GINS1: variants seen among roughly 807,000 people sequenced by gnomAD.
GINS1 encodes the protein DNA replication complex GINS protein PSF1.
In GINS1, 26 loss-of-function variants were observed where a neutral mutation model predicts 34.9. The observed-to-expected ratio is 0.74, with a 90% confidence interval of 0.55 to 1.03. The LOEUF (loss-of-function observed/expected upper bound fraction) is 1.03. Ranked by LOEUF, GINS1 falls within the 50% of genes least tolerant of loss-of-function variation. The pLI, the probability that GINS1 is intolerant of heterozygous loss-of-function variation, is 0.00. For missense variants in GINS1, 235 were observed against 237.9 expected (o/e 0.99, Z 0.08); for synonymous variants, 97 against 84.4 (o/e 1.15, Z -0.82).
intron 6 of GINS1, among the ~76,000 whole-genome samples, chr20:25,445,275 A>G (rs544375883): frequency 1.3e-5 from 2 of 151,890 alleles, no homozygotes; most frequent in Non-Finnish European, 2.9e-5. Flanking sequence ...GCTCACCCCC[A>G]GGTTCAAGTG....
chr20:25,407,961 C>A lies in GINS1; in HGVS notation c.75+66C>A. Reference sequence around the variant, plus strand: ...GGCCCTGGGCTCTGGGGCGGGGCGGCTCCCCGTCAGGGTTCACTTTCGCAC... The same window carrying A: ...GGCCCTGGGCTCTGGGGCGGGGCGGATCCCCGTCAGGGTTCACTTTCGCAC... On this transcript the variant is annotated intron_variant, in intron 1 of 6. Coordinates refer to ENST00000262460, the MANE Select transcript of GINS1 (RefSeq NM_021067.5). 3 of 1,231,636 alleles carry A rather than the reference C, an allele frequency of 2.4e-6. No homozygotes were observed. The South Asian group carries it at 3.7e-5, about 15-fold the overall frequency. 76.3% of individuals were successfully genotyped at this position (1,231,636 alleles called of 1,614,324 possible).
intron 1 of GINS1, among the ~76,000 whole-genome samples, chr20:25,413,056 ATTTT>A (rs753937496): frequency 7.4e-6 from 1 of 135,956 alleles, no homozygotes; most frequent in South Asian, 2.3e-4. Flanking sequence ...TCAGTAGTTC[ATTTT>A]TTTTTTTTTT....
At chr20:25,435,417 C>G (rs1377138978) in intron 5 of GINS1, among the ~76,000 whole-genome samples, 2 of 152,112 alleles carry the variant, frequency 1.3e-5, no homozygotes, top group Admixed American at 1.3e-4. Flanking sequence ...ACCTCAGCCT[C>G]CCAAGTGGCT....
chr20:25,444,767 A>C (rs1426028820), intron 6 of GINS1, among the ~76,000 whole-genome samples: 1 of 152,212 alleles, frequency 6.6e-6, no homozygotes, highest in African/African-American at 2.4e-5. Flanking sequence ...TCAGAGCAAG[A>C]GCGATGTCCT....
intron 4 of GINS1, among the ~76,000 whole-genome samples, chr20:25,423,707 G>T (rs1355396417): frequency 4.0e-5 from 6 of 148,796 alleles, no homozygotes; most frequent in African/African-American, 1.5e-4. Flanking sequence ...TCTACCTCCC[G>T]GGTTCATGCC....
At chr20:25,443,772 G>A (rs566126664) in intron 6 of GINS1, among the ~76,000 whole-genome samples, 47 of 151,998 alleles carry the variant, frequency 3.1e-4, no homozygotes, top group African/African-American at 1.1e-3. Flanking sequence ...GTGAGCCACC[G>A]CACCTGGCCT....
chr20:25,407,718 G>T lies in GINS1; in HGVS notation c.-103G>T. 1 of 889,250 alleles carries T rather than the reference G, an allele frequency of 1.1e-6. No homozygotes were observed. Among genetic ancestry groups the T allele is most frequent in the Non-Finnish European group, 1.8e-6 (1 of 546,500 alleles). 55.1% of individuals were successfully genotyped at this position (889,250 alleles called of 1,614,324 possible). A position where few individuals can be genotyped will look rare whatever the true frequency, so the allele number is the denominator to read the frequency against. The stretch of plus-strand genomic sequence containing the variant: ...GCGGAGGCCGAGGCGAGAGCCTGGC[G>T]CTGTAGGACTAGAACGAAAGGAGTG... On this transcript the variant is annotated 5_prime_UTR_variant, in exon 1 of 7. Transcript: ENST00000262460.
intron 5 of GINS1, among the ~76,000 whole-genome samples, chr20:25,429,190 A>T (rs1464454648): frequency 6.6e-6 from 1 of 151,646 alleles, no homozygotes; most frequent in Non-Finnish European, 1.5e-5. Context: ...GGGTTTCACC[A>T]TGTTGGCTAG....
Position 25,420,953 on chromosome 20 carries a change from C to G in GINS1, c.330+2758C>G, listed in dbSNP as rs541136737. ...AGCAATTGCATCGTGGCAACTGCAT[C>G]AGCCATTTTGGACCAGTAACAAAGA... On this transcript the variant is annotated intron_variant, in intron 4 of 6. Coordinates refer to ENST00000262460, the MANE Select transcript of GINS1 (RefSeq NM_021067.5). The G allele has an allele frequency of 1.6e-5, 16 of 984,112 alleles. No individual in the cohort carries two copies. In the African/African-American group the frequency reaches 2.4e-4, roughly 15 times the overall value. The allele number at this position is 984,112 out of a possible 1,614,324, so 61.0% of individuals were successfully genotyped here. A position where few individuals can be genotyped will look rare whatever the true frequency, so the allele number is the denominator to read the frequency against.
At chr20:25,412,922 T>C (rs2090295366) in intron 1 of GINS1, among the ~76,000 whole-genome samples, 1 of 152,136 alleles carries the variant, frequency 6.6e-6, no homozygotes, top group South Asian at 2.1e-4. Flanking sequence ...ACAGATGATA[T>C]TATTCTTTTT....
At position 25,407,716 on chromosome 20, in the gene GINS1, G is replaced by C; in HGVS notation, c.-105G>C. 1.1e-6 allele frequency: 1 copy of C among 878,574 alleles called. No individual in the cohort carries two copies. The highest frequency in any genetic ancestry group is 1.9e-6 in the Non-Finnish European group (1 of 537,870). 54.4% of individuals were successfully genotyped at this position (878,574 alleles called of 1,614,324 possible). ...GAGCGGAGGCCGAGGCGAGAGCCTG[G>C]CGCTGTAGGACTAGAACGAAAGGAG... On this transcript the variant is annotated 5_prime_UTR_variant, in exon 1 of 7. Transcript: ENST00000262460.
intron 5 of GINS1, among the ~76,000 whole-genome samples, chr20:25,431,145 G>C (rs1600936421): frequency 1.3e-5 from 2 of 152,114 alleles, no homozygotes; most frequent in Non-Finnish European, 2.9e-5. Flanking sequence ...TTGTAGGTTT[G>C]TGTTTCTGGG....
At chr20:25,441,591 GAAAC>G (rs2090482263) in intron 5 of GINS1, 107 bp from the exon 6 acceptor site, 11 of 626,962 alleles carry the variant, frequency 1.8e-5, no homozygotes, top group Admixed American at 8.8e-5. Flanking sequence ...ACATGGAGAG[GAAAC>G]AAACAAAGTC....
At chr20:25,423,738 C>G (rs546778827) in intron 4 of GINS1, among the ~76,000 whole-genome samples, 1 of 151,166 alleles carries the variant, frequency 6.6e-6, no homozygotes, top group Non-Finnish European at 1.5e-5. Context: ...CTCAGCCTCC[C>G]GAGTAGCTGG....
At position 25,432,376 on chromosome 20, in the gene GINS1, C is replaced by G. The variant is rs368349346; in HGVS notation, c.447+7049C>G. 1.5e-3 allele frequency among the ~76,000 whole-genome samples: 233 copies of G among 151,574 alleles called. 1 individual carries two copies. The highest frequency in any genetic ancestry group is 5.3e-3 in the African/African-American group (220 of 41,286). On this transcript the variant is annotated intron_variant, in intron 5 of 6. Transcript: ENST00000262460. Reference sequence around the variant, plus strand: ...CCCAGGCAGTGGCACAATCTCGGCTCACTGCAACCTCCGCCTCCCGAGTTC... The same window carrying G: ...CCCAGGCAGTGGCACAATCTCGGCTGACTGCAACCTCCGCCTCCCGAGTTC...
chr20:25,408,882 G>A, intron 1 of GINS1: 1 of 977,670 alleles, frequency 1.0e-6, no homozygotes, highest in Non-Finnish European at 1.2e-6. Context: ...CATAGAGCAG[G>A]CATTATGTGG....
chr20:25,436,981 T>G (rs959509879), intron 5 of GINS1, among the ~76,000 whole-genome samples: 1 of 152,218 alleles, frequency 6.6e-6, no homozygotes, highest in Admixed American at 6.5e-5. Context: ...CTGTTTTTGT[T>G]TTTTTGGTTG....
intron 1 of GINS1, chr20:25,408,951 G>A (rs904402458): frequency 2.0e-6 from 2 of 982,780 alleles, no homozygotes; most frequent in Admixed American, 6.2e-5. Flanking sequence ...AATTCACCAC[G>A]CTAAGTGATA....
chr20:25,413,056 A>ATTT (rs753937496), intron 1 of GINS1, among the ~76,000 whole-genome samples: 1 of 135,956 alleles, frequency 7.4e-6, no homozygotes. Context: ...TCAGTAGTTC[A>ATTT]TTTTTTTTTT....
Sources: allele counts gnomAD v4.1 joint callset (sites outside exome capture counted in the v4.1 genomes callset), GRCh38; gene constraint gnomAD v4.1.1; transcripts MANE v1.5; gene names NCBI Gene and HGNC (gene_info 2026-07-23, HGNC 2026-07-21).